DLG2: variants seen among roughly 807,000 people sequenced by gnomAD.
DLG2 encodes discs large MAGUK scaffold protein 2.
Under a neutral mutation model 132.5 loss-of-function variants are expected in DLG2, and 45 were observed. The ratio of observed to expected loss-of-function variants is 0.34; its 90% CI spans 0.27 to 0.44. The LOEUF (loss-of-function observed/expected upper bound fraction) is 0.44, where lower values mean the gene tolerates loss of function less well. Ranked by LOEUF, DLG2 falls within the 20% of genes least tolerant of loss-of-function variation. The pLI is 1.00. For missense variants in DLG2, 1,045 were observed against 1,196.9 expected (o/e 0.87, Z 1.87); for synonymous variants, 424 against 419.6 (o/e 1.01, Z -0.13).
chr11:83,936,003 C>T (rs1373134997), intron 14 of DLG2, among the ~76,000 whole-genome samples: 1 of 152,112 alleles, frequency 6.6e-6, no homozygotes, highest in East Asian at 1.9e-4. Context: ...TCAGAGCTCA[C>T]CAAAAAGGAG....
chr11:84,971,376 C>A (rs1454485810), intron 6 of DLG2, among the ~76,000 whole-genome samples: 1 of 152,076 alleles, frequency 6.6e-6, no homozygotes, highest in Non-Finnish European at 1.5e-5. Context: ...AAAATCTGCT[C>A]TAAAATTTAT....
intron 6 of DLG2, among the ~76,000 whole-genome samples, chr11:84,936,288 T>G (rs2048735732): frequency 1.3e-5 from 2 of 152,196 alleles, no homozygotes; most frequent in South Asian, 2.1e-4. Context: ...GATTAAATAT[T>G]TTGATAATTC....
chr11:83,549,509 C>G lies in DLG2; in HGVS notation c.1941-7651G>C, dbSNP rs189420445. 8.3e-4 allele frequency among the ~76,000 whole-genome samples: 126 copies of G among 152,284 alleles called. No homozygotes were observed. The East Asian group carries it at 0.016, about 20-fold the overall frequency. On this transcript the variant is annotated intron_variant, in intron 19 of 27. Transcript: ENST00000376104. ...AAAGTTCCTTTACTTCACCTCTTCT[C>G]TACTCTAAAGATGAGCAAGTGTCCC...
At chr11:84,792,112 T>C (rs1357769714) in intron 6 of DLG2, among the ~76,000 whole-genome samples, 2 of 152,208 alleles carry the variant, frequency 1.3e-5, no homozygotes, top group African/African-American at 2.4e-5. Flanking sequence ...GTTCCTTCTA[T>C]ACCCAGTTTT....
chr11:84,176,948 C>A (rs902047963), intron 8 of DLG2, among the ~76,000 whole-genome samples: 2 of 149,968 alleles, frequency 1.3e-5, no homozygotes, highest in Admixed American at 1.3e-4. Context: ...TATTTTCTTT[C>A]TTTTCATATC....
chr11:84,616,103 G>T (rs1278901613), intron 6 of DLG2, among the ~76,000 whole-genome samples: 2 of 152,016 alleles, frequency 1.3e-5, no homozygotes, highest in East Asian at 1.9e-4. Flanking sequence ...AATGGCAAAG[G>T]GGGGTCAGAG....
At chr11:84,851,100 T>A (rs1263615061) in intron 6 of DLG2, among the ~76,000 whole-genome samples, 1 of 152,096 alleles carries the variant, frequency 6.6e-6, no homozygotes, top group Non-Finnish European at 1.5e-5. Flanking sequence ...GTAATCAGCA[T>A]CCAGAACATT....
chr11:84,682,952 C>T (rs892748069), intron 6 of DLG2, among the ~76,000 whole-genome samples: 5 of 152,146 alleles, frequency 3.3e-5, no homozygotes, highest in Non-Finnish European at 7.4e-5. Context: ...GGCCAAATTT[C>T]TCAGCCTCAG....
intron 19 of DLG2, among the ~76,000 whole-genome samples, chr11:83,550,226 C>T (rs554981280): frequency 3.0e-4 from 45 of 152,258 alleles, no homozygotes; most frequent in African/African-American, 1.1e-3. Context: ...AACCAGAAGC[C>T]CTTACAGGTT....
At chr11:85,476,951 G>T (rs1238690499) in intron 3 of DLG2, among the ~76,000 whole-genome samples, 1 of 152,006 alleles carries the variant, frequency 6.6e-6, no homozygotes, top group East Asian at 1.9e-4. Context: ...ATTATGTACT[G>T]TACATAATTT....
chr11:84,543,292 G>T (rs1327571402), intron 6 of DLG2, among the ~76,000 whole-genome samples: 1 of 152,088 alleles, frequency 6.6e-6, no homozygotes, highest in Non-Finnish European at 1.5e-5. Flanking sequence ...AAAATGGGAG[G>T]AGGAAAGGCA....
At chr11:83,822,516 A>G (rs1167490627) in intron 17 of DLG2, among the ~76,000 whole-genome samples, 6 of 152,170 alleles carry the variant, frequency 3.9e-5, no homozygotes, top group African/African-American at 1.4e-4. Context: ...GGGGGCAGCT[A>G]TTCCCTTTTC....
At chr11:85,165,912 T>C (rs1483015701) in intron 4 of DLG2, among the ~76,000 whole-genome samples, 2 of 152,088 alleles carry the variant, frequency 1.3e-5, no homozygotes, top group Non-Finnish European at 2.9e-5. Context: ...CTCACTGTCT[T>C]CCTAGTTCTG....
intron 4 of DLG2, among the ~76,000 whole-genome samples, chr11:85,180,195 A>AAC (rs889578683): frequency 2.6e-5 from 4 of 151,876 alleles, no homozygotes; most frequent in African/African-American, 4.8e-5. Context: ...AGTTTGATTA[A>AAC]ACACACACAC....
chr11:85,605,747 G>C (rs1591241479), intron 2 of DLG2, among the ~76,000 whole-genome samples: 1 of 152,364 alleles, frequency 6.6e-6, no homozygotes, highest in East Asian at 1.9e-4. Context: ...GGGATGCCAA[G>C]GCAGGCAGAT....
At chr11:84,022,071 C>T (rs1423113148) in intron 11 of DLG2, among the ~76,000 whole-genome samples, 2 of 152,092 alleles carry the variant, frequency 1.3e-5, no homozygotes, top group Non-Finnish European at 2.9e-5. Context: ...TTACTGAACA[C>T]ATCAGGAAAG....
intron 2 of DLG2, among the ~76,000 whole-genome samples, chr11:85,605,142 C>A (rs1384229943): frequency 5.9e-5 from 9 of 152,064 alleles, no homozygotes; most frequent in African/African-American, 2.2e-4. Flanking sequence ...CTTTTAAATG[C>A]ATTATCTTAT....
intron 11 of DLG2, among the ~76,000 whole-genome samples, chr11:84,041,151 A>G (rs918108374): frequency 8.6e-5 from 13 of 152,032 alleles, no homozygotes; most frequent in Non-Finnish European, 1.5e-4. Context: ...AAAAAGCTGA[A>G]TGGCATTACA....
chr11:84,259,184 T>C (rs946736657), intron 7 of DLG2, among the ~76,000 whole-genome samples: 1 of 146,444 alleles, frequency 6.8e-6, no homozygotes, highest in Admixed American at 7.0e-5. Flanking sequence ...GGCAGGAGAA[T>C]GGCTGGAACC....
Sources: allele counts gnomAD v4.1 joint callset (sites outside exome capture counted in the v4.1 genomes callset), GRCh38; gene constraint gnomAD v4.1.1; transcripts MANE v1.5; gene names NCBI Gene and HGNC (gene_info 2026-07-23, HGNC 2026-07-21).